Variants in NTRK1 observed in about 807,000 individuals in gnomAD.
NTRK1 encodes neurotrophic receptor tyrosine kinase 1, also known as high affinity nerve growth factor receptor.
A neutral mutation model predicts 86.8 loss-of-function variants in NTRK1; 62 were observed. The ratio of observed to expected loss-of-function variants is 0.71; its 90% CI spans 0.58 to 0.88. The LOEUF is 0.88. NTRK1 is among the 40% of genes least tolerant of loss of function. The pLI, the probability that NTRK1 is intolerant of heterozygous loss-of-function variation, is 0.00. For synonymous variants in NTRK1, 469 were observed against 456.6 expected (o/e 1.03, Z -0.35); for missense variants, 967 against 1,078.4 (o/e 0.90, Z 1.45).
chr1:156,852,815 C>T (rs1655272870), intron 2 of NTRK1, among the ~76,000 whole-genome samples: 1 of 152,176 alleles, frequency 6.6e-6, no homozygotes, highest in Non-Finnish European at 1.5e-5. Context: ...AGAGGATGCG[C>T]AGCAGCTGTG....
chr1:156,816,477 C>G (rs1186588650), intron 1 of NTRK1, among the ~76,000 whole-genome samples: 1 of 152,224 alleles, frequency 6.6e-6, no homozygotes, highest in African/African-American at 2.4e-5. Context: ...TCAACAAACC[C>G]TGTCACCTTT....
At chr1:156,844,097 A>T (rs984573138) in intron 2 of NTRK1, 1 of 1,049,202 alleles carries the variant, frequency 9.5e-7, no homozygotes, top group Non-Finnish European at 1.5e-6. Flanking sequence ...CTACTGTCTC[A>T]TCTACCTCCC....
intron 1 of NTRK1, chr1:156,841,292 G>T: frequency 1.7e-6 from 2 of 1,183,720 alleles, no homozygotes; most frequent in South Asian, 1.3e-5. Context: ...GAGGGTCAGT[G>T]GATGTCAAAG....
chr1:156,853,052 A>T (rs190073461), intron 2 of NTRK1, among the ~76,000 whole-genome samples: 1 of 151,918 alleles, frequency 6.6e-6, no homozygotes, highest in Non-Finnish European at 1.5e-5. Flanking sequence ...TGCACCAGCC[A>T]TCCCTTTTCT....
intron 15 of NTRK1, 41 bp from the exon 16 acceptor site, chr1:156,879,958 C>T (rs2102926814): frequency 6.2e-7 from 1 of 1,609,480 alleles, no homozygotes; most frequent in South Asian, 1.1e-5. Context: ...ACGGGCTGTC[C>T]CAGGCGCCCC....
At chr1:156,863,349 A>C in intron 1 of NTRK1, among the ~76,000 whole-genome samples, 1 of 144,736 alleles carries the variant, frequency 6.9e-6, no homozygotes, top group Admixed American at 6.8e-5. Context: ...TCTCTGTTTC[A>C]CTCTCTCTTT....
intron 1 of NTRK1, among the ~76,000 whole-genome samples, chr1:156,839,418 A>G (rs1186566131): frequency 1.3e-5 from 2 of 152,242 alleles, no homozygotes; most frequent in African/African-American, 4.8e-5. Context: ...CCCTTCGTCA[A>G]GGTTTGAAGT....
At chr1:156,879,396 C>T (rs1002582071) in intron 15 of NTRK1, 34 bp downstream of exon 15, 1 of 1,579,950 alleles carries the variant, frequency 6.3e-7, no homozygotes, top group Middle Eastern at 1.7e-4. Flanking sequence ...CCTTCCCCTG[C>T]ATCCAAACTG....
At chr1:156,860,287 G>A (rs1235270562), upstream of NTRK1, among the ~76,000 whole-genome samples, 1 of 152,218 alleles carries the variant, frequency 6.6e-6, no homozygotes, top group Non-Finnish European at 1.5e-5. Flanking sequence ...TCTTGGAGGC[G>A]CGGTCTTGGC....
At chr1:156,818,417 T>G (rs907530450) in intron 1 of NTRK1, among the ~76,000 whole-genome samples, 2 of 152,196 alleles carry the variant, frequency 1.3e-5, no homozygotes, top group Non-Finnish European at 2.9e-5. Context: ...TCTGAGATTT[T>G]AATGCACCTG....
intron 1 of NTRK1, chr1:156,837,343 C>G (rs1654620951): frequency 6.6e-6 from 1 of 152,612 alleles, no homozygotes; most frequent in Admixed American, 6.5e-5. Flanking sequence ...GCTCCGCCCA[C>G]CTGGATTCCT....
intron 2 of NTRK1, chr1:156,844,387 G>A (rs1041933921): frequency 7.6e-6 from 12 of 1,570,776 alleles, no homozygotes; most frequent in Middle Eastern, 1.8e-4. Flanking sequence ...GGGATGCGGG[G>A]GAGGGGCCTG....
intron 1 of NTRK1, among the ~76,000 whole-genome samples, chr1:156,836,368 T>C (rs900562103): frequency 1.3e-5 from 2 of 152,164 alleles, no homozygotes; most frequent in African/African-American, 4.8e-5. Flanking sequence ...TACCGCTGCC[T>C]CTCTCTTCCA....
chr1:156,838,175 C>T (rs545578871), intron 1 of NTRK1, among the ~76,000 whole-genome samples: 1 of 152,102 alleles, frequency 6.6e-6, no homozygotes, highest in Non-Finnish European at 1.5e-5. Flanking sequence ...CCCCAGAGAA[C>T]TCCAACCTGT....
At chr1:156,879,496 T>A in intron 15 of NTRK1, 134 bp downstream of exon 15, 1 of 1,202,862 alleles carries the variant, frequency 8.3e-7, no homozygotes, top group Non-Finnish European at 1.1e-6. Context: ...GTTTTCAACC[T>A]ACCTCCTCGG....
chr1:156,860,209 C>T (rs982416057), upstream of NTRK1, among the ~76,000 whole-genome samples: 2 of 152,186 alleles, frequency 1.3e-5, no homozygotes, highest in African/African-American at 2.4e-5. Flanking sequence ...ATCGCACCCC[C>T]AGGCACCCAG....
At chr1:156,829,754 G>A (rs1654418566) in intron 1 of NTRK1, among the ~76,000 whole-genome samples, 1 of 152,134 alleles carries the variant, frequency 6.6e-6, no homozygotes, top group Non-Finnish European at 1.5e-5. Flanking sequence ...TGGGTTCTAA[G>A]GGATTCTCCT....
intron 1 of NTRK1, among the ~76,000 whole-genome samples, chr1:156,819,473 T>C (rs1654122170): frequency 6.6e-6 from 1 of 152,036 alleles, no homozygotes; most frequent in Admixed American, 6.5e-5. Context: ...TCTATTCATG[T>C]CCTTTGCTCA....
chr1:156,867,998 C>T, intron 4 of NTRK1, 106 bp from the exon 5 acceptor site: 1 of 1,279,356 alleles, frequency 7.8e-7, no homozygotes, highest in Non-Finnish European at 1.1e-6. Context: ...TGTGTCCTCC[C>T]TTTCACCTGT....
Sources: gnomAD v4.1 joint callset for allele counts (sites outside exome capture counted in the v4.1 genomes callset) on GRCh38, gnomAD v4.1.1 for gene constraint, MANE v1.5 for transcripts, NCBI Gene and HGNC (gene_info 2026-07-23, HGNC 2026-07-21) for gene names.